Variants in LMNA observed in about 807,000 individuals in gnomAD.
LMNA encodes lamin A/C.
In LMNA, 20 loss-of-function variants were observed where a neutral mutation model predicts 70.4. The ratio of observed to expected loss-of-function variants is 0.28; its 90% confidence interval spans 0.20 to 0.41. LMNA has a LOEUF of 0.41. Among genes scored for constraint, LMNA ranks in the 10% least tolerant of loss-of-function variants. The pLI is 1.00. For synonymous variants in LMNA, 339 were observed against 372.8 expected, an observed-to-expected ratio of 0.91 and a Z score of 1.04; for missense variants, 652 against 917.2, an observed-to-expected ratio of 0.71 and a Z score of 3.73.
chr1:156,126,711 C>G, intron 1 of LMNA: 1 of 1,553,516 alleles, frequency 6.4e-7, no homozygotes, highest in Non-Finnish European at 8.7e-7. Flanking sequence ...TCCCCACCCC[C>G]TCTCTTCCCT....
At chr1:156,088,443 G>A (rs1329591463) in intron 2 of LMNA, among the ~76,000 whole-genome samples, 6 of 151,928 alleles carry the variant, frequency 3.9e-5, no homozygotes, top group Admixed American at 6.6e-5. Context: ...CCCCACCCTC[G>A]GTAAGACACA....
At chr1:156,139,054 CCT>C in intron 11 of LMNA, 24 bp from the exon 12 acceptor site, 5 of 1,613,484 alleles carry the variant, frequency 3.1e-6, no homozygotes, top group Non-Finnish European at 4.2e-6. Flanking sequence ...GCTGCTCACA[CCT>C]CTCTCCTCTG....
chr1:156,084,361 G>A lies in LMNA; in HGVS notation c.-319+1177G>A, dbSNP rs371486485. Among the ~76,000 whole-genome samples, 8 of 146,120 alleles carry A rather than the reference G, an allele frequency of 5.5e-5. No individual in the cohort carries two copies. In the South Asian group the frequency reaches 8.8e-4, roughly 16 times the overall value. The stretch of plus-strand genomic sequence containing the variant: ...GGTGGGGGCAGTTGGCACACTGCAG[G>A]GATTTTTTTCCTTTGCTAGGCAGAA... On this transcript the variant is annotated intron_variant, in intron 2 of 12. Coordinates refer to the LMNA transcript ENST00000368301.
chr1:156,114,703 G>A (rs1224195629), upstream of LMNA: 6 of 542,754 alleles, frequency 1.1e-5, no homozygotes, highest in Admixed American at 3.5e-5. Flanking sequence ...CCCCGGCGTC[G>A]GTGACTCAGT....
At chr1:156,129,543 C>G (rs547803402) in intron 1 of LMNA, among the ~76,000 whole-genome samples, 1 of 152,166 alleles carries the variant, frequency 6.6e-6, no homozygotes, top group African/African-American at 2.4e-5. Context: ...GTGGTGGGCT[C>G]ATGCTTAAGC....
intron 1 of LMNA, among the ~76,000 whole-genome samples, chr1:156,122,216 G>T (rs1355964980): frequency 6.6e-6 from 1 of 152,150 alleles, no homozygotes; most frequent in Non-Finnish European, 1.5e-5. Context: ...CCTTAGTTCT[G>T]TGTGTGGCCC....
intron 2 of LMNA, among the ~76,000 whole-genome samples, chr1:156,085,004 T>C (rs951793644): frequency 6.6e-6 from 1 of 152,050 alleles, no homozygotes; most frequent in Non-Finnish European, 1.5e-5. Flanking sequence ...CGAGGCAGGG[T>C]CCCTACTGGA....
At position 156,135,368 on chromosome 1, in the gene LMNA, G is replaced by T; in HGVS notation, c.936+56G>T. On this transcript the variant is annotated intron_variant, in intron 5 of 11. Coordinates refer to ENST00000368300, the MANE Select transcript of LMNA (RefSeq NM_170707.4). This position sits in a 1 kb window ranked among gnomAD's most constrained non-coding sequence, Gnocchi z 4.8. ...GGCCTAGAGTCTGGGCCGGATGCAG[G>T]CTGGAAGCCCAGGGTTGGGGGTGGG... 1 of 1,577,570 alleles carries T rather than the reference G, an allele frequency of 6.3e-7. No homozygotes were observed.
chr1:156,088,355 C>T (rs1436562636), intron 2 of LMNA, among the ~76,000 whole-genome samples: 1 of 152,052 alleles, frequency 6.6e-6, no homozygotes, highest in Non-Finnish European at 1.5e-5. Flanking sequence ...CCAAACCTCA[C>T]TAGCATTAAT....
Position 156,137,011 on chromosome 1 carries a change from G to C in LMNA, c.1471G>C (p.Ala491Pro). Reference protein sequence around the residue: ...YRFPPKFTLKAGQVVTIWAAG... With the variant: ...YRFPPKFTLKPGQVVTIWAAG... Reference sequence around the variant, plus strand: ...GTTCCCACCAAAGTTCACCCTGAAGGCTGGGCAGGTGGTGACGGTGAGTGG... The same window carrying C: ...GTTCCCACCAAAGTTCACCCTGAAGCCTGGGCAGGTGGTGACGGTGAGTGG... The change falls in exon 8 of 12, where the codon GCT becomes CCT. Residue 491 changes from alanine (A) to proline (P), a missense_variant. Physicochemically the swap from Ala to Pro is conservative, Grantham distance 27. Coordinates refer to ENST00000368300, the MANE Select transcript of LMNA (RefSeq NM_170707.4). The surrounding 1 kb of genome is among the most constrained non-coding windows in gnomAD (Gnocchi z 4.6). 6.2e-7 allele frequency: 1 copy of C among 1,614,190 alleles called. No homozygotes were observed. The highest frequency in any genetic ancestry group is 1.1e-5 in the South Asian group (1 of 91,090).
At position 156,134,658 on chromosome 1, in the gene LMNA, G is replaced by T. The variant is rs1651376159; in HGVS notation, c.639+130G>T. ...CTTGCCCTAGTGGACAGGGAGTTGG[G>T]GGTGGCCAGCACTCAGCTCCCAGGT... On this transcript the variant is annotated intron_variant, in intron 3 of 11. Transcript: ENST00000368300. The surrounding 1 kb of genome is among the most constrained non-coding windows in gnomAD (Gnocchi z 5.3). 6.5e-7 allele frequency: 1 copy of T among 1,542,586 alleles called. No individual in the cohort carries two copies. Among genetic ancestry groups the T allele is most frequent in the East Asian group, 2.2e-5 (1 of 44,460 alleles).
At chr1:156,114,703 G>T (rs1224195629), upstream of LMNA, 1 of 542,754 alleles carries the variant, frequency 1.8e-6, no homozygotes, top group African/African-American at 2.0e-5. Flanking sequence ...CCCCGGCGTC[G>T]GTGACTCAGT....
Position 156,138,172 on chromosome 1 carries a change from G to A in LMNA, c.1699-316G>A. 3.6e-6 allele frequency: 2 copies of A among 552,160 alleles called. No individual in the cohort carries two copies. Among genetic ancestry groups the A allele is most frequent in the South Asian group, 2.1e-5 (1 of 46,948 alleles). 34.2% of individuals were successfully genotyped at this position (552,160 alleles called of 1,614,324 possible). On this transcript the variant is annotated intron_variant, in intron 10 of 11. Transcript: ENST00000368300. This position sits in a 1 kb window ranked among gnomAD's most constrained non-coding sequence, Gnocchi z 5.5. ...CCGCCCCTCCACTCCAATTAATAGTGCATGCCTGCTGCCCTACAAGCTTGC... is the reference window on the plus strand; with the variant it reads ...CCGCCCCTCCACTCCAATTAATAGTACATGCCTGCTGCCCTACAAGCTTGC...
At position 156,136,237 on chromosome 1, in the gene LMNA, C is replaced by T. The variant is rs757887400; in HGVS notation, c.1181C>T (p.Thr394Ile). 1 of 1,612,234 alleles carries T rather than the reference C, an allele frequency of 6.2e-7. No individual in the cohort carries two copies. The highest frequency in any genetic ancestry group is 1.7e-5 in the Admixed American group (1 of 60,030). ...EERLRLSPSP[T>I]SQRSRGRASS... ...AGGCTACGCCTGTCCCCCAGCCCTA[C>T]CTCGCAGCGCAGCCGTGGCCGTGCT... The change falls in exon 7 of 12, where the codon ACC becomes ATC. Residue 394 changes from threonine (T) to isoleucine (I), a missense_variant. Thr to Ile is a moderately conservative substitution (Grantham distance 89). This residue lies in a region of LMNA where 327 missense variants were observed against 387.6 expected (regional missense o/e 0.84). Transcript: ENST00000368300. This position sits in a 1 kb window ranked among gnomAD's most constrained non-coding sequence, Gnocchi z 6.1.
At chr1:156,097,396 C>G (rs575405256) in intron 3 of LMNA, among the ~76,000 whole-genome samples, 18 of 152,252 alleles carry the variant, frequency 1.2e-4, no homozygotes, top group Non-Finnish European at 2.5e-4. Flanking sequence ...CAGCTACTGG[C>G]AGGGAAACTG....
Position 156,115,344 on chromosome 1 carries a change from G to A in LMNA, c.356+70G>A. On this transcript the variant is annotated intron_variant, in intron 1 of 11. Transcript: ENST00000368300. The surrounding 1 kb of genome is among the most constrained non-coding windows in gnomAD (Gnocchi z 5.8). ...GGCGGCGGGCCGGCGCCCCTGGCCG[G>A]CCGCAGGAAGGGAGTGAGAGGGCCT... 1 of 1,399,868 alleles carries A rather than the reference G, an allele frequency of 7.1e-7. No individual in the cohort carries two copies. Among genetic ancestry groups the A allele is most frequent in the Non-Finnish European group, 9.8e-7 (1 of 1,019,402 alleles). The allele number at this position is 1,399,868 out of a possible 1,614,324, so 86.7% of individuals were successfully genotyped here.
chr1:156,118,688 T>G (rs144669722), intron 1 of LMNA, among the ~76,000 whole-genome samples: 74 of 152,074 alleles, frequency 4.9e-4, no homozygotes, highest in African/African-American at 1.8e-3. Flanking sequence ...GTGGGTAGAG[T>G]AAAGAATTTG....
chr1:156,126,916 G>C, intron 1 of LMNA: 1 of 1,598,262 alleles, frequency 6.3e-7, no homozygotes, highest in Non-Finnish European at 8.5e-7. Flanking sequence ...GGTCTCCCCT[G>C]TGAGCACTAG....
Position 156,130,785 on chromosome 1 carries a change from C to T in LMNA, c.513+12C>T, listed in dbSNP as rs756758566. ...GCCAGGTGGCCAAGGTGAGGCCACCCTGCAGGGCCCACCCATGGCCCCACC... is the reference window on the plus strand; with the variant it reads ...GCCAGGTGGCCAAGGTGAGGCCACCTTGCAGGGCCCACCCATGGCCCCACC... On this transcript the variant is annotated intron_variant, in intron 2 of 11. Coordinates refer to ENST00000368300, the MANE Select transcript of LMNA (RefSeq NM_170707.4). The T allele has an allele frequency of 6.4e-7, 1 of 1,565,686 alleles. No individual in the cohort carries two copies. The highest frequency in any genetic ancestry group is 8.7e-7 in the Non-Finnish European group (1 of 1,155,236).
Sources: gnomAD v4.1 joint callset for allele counts (sites outside exome capture counted in the v4.1 genomes callset) on GRCh38, gnomAD v4.1.1 for gene constraint, gnomAD v4.1.1 regional missense constraint, Gnocchi (gnomAD v3.1) non-coding constraint, MANE v1.5 for transcripts, NCBI Gene and HGNC (gene_info 2026-07-23, HGNC 2026-07-21) for gene names.